Variants in SAMD4A observed in about 807,000 individuals in gnomAD.
SAMD4A encodes sterile alpha motif domain containing 4A.
A neutral mutation model predicts 81.3 loss-of-function variants in SAMD4A; 33 were observed. That is an observed-to-expected ratio of 0.41 (90% CI 0.31 to 0.54). The LOEUF is 0.54. Ranked by LOEUF, SAMD4A falls within the 20% of genes least tolerant of loss-of-function variation. The probability of loss-of-function intolerance (pLI) is 0.37; values close to 1 mark genes in which losing one functional copy is unlikely to be tolerated. For missense variants in SAMD4A, 854 were observed against 951.1 expected (o/e 0.90, Z 1.34); for synonymous variants, 389 against 382.1 (o/e 1.02, Z -0.21).
intron 7 of SAMD4A, among the ~76,000 whole-genome samples, chr14:54,761,457 C>T (rs964976735): frequency 7.4e-5 from 11 of 148,968 alleles, no homozygotes; most frequent in Admixed American, 3.3e-4. Flanking sequence ...CCTCTACAGC[C>T]CTTACCACCT....
chr14:54,668,008 C>T (rs1487065349), intron 2 of SAMD4A, among the ~76,000 whole-genome samples: 3 of 152,184 alleles, frequency 2.0e-5, no homozygotes, highest in Non-Finnish European at 4.4e-5. Flanking sequence ...CCGGCCCTCC[C>T]GCAGGCTGCC....
intron 2 of SAMD4A, among the ~76,000 whole-genome samples, chr14:54,592,184 T>A (rs2033795733): frequency 6.6e-6 from 1 of 152,172 alleles, no homozygotes; most frequent in Non-Finnish European, 1.5e-5. Context: ...ACCCTAGCAA[T>A]TGTAAGAACT....
In SAMD4A at chr14:54,657,519, GA is replaced by G. The variant is rs772572233; in HGVS notation, c.197-44541del. On this transcript the variant is annotated intron_variant, in intron 2 of 12. Coordinates refer to ENST00000554335, the MANE Select transcript of SAMD4A (RefSeq NM_015589.6). ...ACCAGATGCTAAGTTTCTGAGAAGA[GA>G]AGAGGTAGTAGGCTAGAAGCACTGA... Among the ~76,000 whole-genome samples, 14 of 152,336 alleles carry G rather than the reference GA, an allele frequency of 9.2e-5. No homozygotes were observed. The South Asian group carries it at 1.0e-3, about 11-fold the overall frequency.
At chr14:54,591,586 G>A (rs1019034986) in intron 2 of SAMD4A, among the ~76,000 whole-genome samples, 1 of 151,440 alleles carries the variant, frequency 6.6e-6, no homozygotes, top group Non-Finnish European at 1.5e-5. Context: ...TCCCATGTTG[G>A]CATCATTACT....
intron 2 of SAMD4A, among the ~76,000 whole-genome samples, chr14:54,614,470 CTGTT>C (rs961267232): frequency 2.6e-5 from 4 of 152,102 alleles, no homozygotes; most frequent in African/African-American, 9.7e-5. Context: ...TGGAAAAATT[CTGTT>C]TGTTTAATGA....
chr14:54,613,659 C>T (rs1454811515), intron 2 of SAMD4A, among the ~76,000 whole-genome samples: 4 of 152,186 alleles, frequency 2.6e-5, no homozygotes, highest in African/African-American at 9.7e-5. Flanking sequence ...TGCATTTGAT[C>T]TTTCTTCTAT....
rs146140425 is a variant in SAMD4A, at chr14:54,608,777, A to G, written c.196+40665A>G. Among the ~76,000 whole-genome samples, 182 of 152,342 alleles carry G rather than the reference A, an allele frequency of 1.2e-3. 1 individual carries two copies. Among genetic ancestry groups the G allele is most frequent in the African/African-American group, 4.1e-3 (170 of 41,584 alleles). On this transcript the variant is annotated intron_variant, in intron 2 of 12. Transcript: ENST00000554335. ...TTTCTTAGGTAAGAATATAAAAAGA[A>G]TCGTAGATATAGAGGTGGAAGGGAC...
chr14:54,791,007 C>T lies in SAMD4A; in HGVS notation c.*2063C>T, dbSNP rs2039250956. ...TAAAAAAAAAAGGTTCAGACCTCTC[C>T]TTGGGTGACTAAGTTCTAAAGATGC... On this transcript the variant is annotated 3_prime_UTR_variant, in exon 13 of 13. Transcript: ENST00000554335. 1 of 152,078 alleles carries T rather than the reference C, an allele frequency of 6.6e-6. No individual in the cohort carries two copies. Among genetic ancestry groups the T allele is most frequent in the African/African-American group, 2.4e-5 (1 of 41,406 alleles). 9.4% of individuals were successfully genotyped at this position (152,078 alleles called of 1,614,324 possible).
At chr14:54,632,766 T>G (rs2034933288) in intron 2 of SAMD4A, among the ~76,000 whole-genome samples, 1 of 152,226 alleles carries the variant, frequency 6.6e-6, no homozygotes, top group Non-Finnish European at 1.5e-5. Flanking sequence ...GCATCTTGGG[T>G]AAGTTACTTA....
In SAMD4A at chr14:54,770,100, G is replaced by C; in HGVS notation, c.1597-4G>C. Reference sequence around the variant, plus strand: ...CCATTTAAAAGTCCTGTTTGTTTTTGCAGGCATTTACAGAGACACAGAAAA... The same window carrying C: ...CCATTTAAAAGTCCTGTTTGTTTTTCCAGGCATTTACAGAGACACAGAAAA... On this transcript the variant is annotated splice_region_variant and splice_polypyrimidine_tract_variant and intron_variant, in intron 8 of 12. Coordinates refer to ENST00000554335, the MANE Select transcript of SAMD4A (RefSeq NM_015589.6). 6.3e-7 allele frequency: 1 copy of C among 1,596,924 alleles called. No homozygotes were observed. Among genetic ancestry groups the C allele is most frequent in the Non-Finnish European group, 8.6e-7 (1 of 1,165,434 alleles).
chr14:54,751,692 C>T (rs992292797), intron 6 of SAMD4A, among the ~76,000 whole-genome samples, 155 bp downstream of exon 6: 10 of 152,246 alleles, frequency 6.6e-5, no homozygotes, highest in Admixed American at 5.9e-4. Flanking sequence ...TGAAGTGAAA[C>T]TTCCTGGTTG....
chr14:54,586,285 TCTTGC>T (rs1226593070), intron 2 of SAMD4A, among the ~76,000 whole-genome samples: 2 of 152,340 alleles, frequency 1.3e-5, no homozygotes, highest in Non-Finnish European at 2.9e-5. Flanking sequence ...TTTGTTTTCT[TCTTGC>T]TGAGTTGTTT....
intron 2 of SAMD4A, among the ~76,000 whole-genome samples, chr14:54,634,753 CTGTCT>C (rs1157569220): frequency 2.6e-5 from 4 of 151,464 alleles, no homozygotes; most frequent in Non-Finnish European, 4.4e-5. Context: ...GTCTGTCTGT[CTGTCT>C]GTCTATCTAT....
Position 54,756,770 on chromosome 14 carries a change from A to G in SAMD4A, c.1177-3391A>G, listed in dbSNP as rs553885362. ...TCCAGATGGTTTGCAGCTTGTTGTC[A>G]TATGCCCAGGAAAGGCACTGAACCA... On this transcript the variant is annotated intron_variant, in intron 6 of 12. Transcript: ENST00000554335. Among the ~76,000 whole-genome samples the G allele has an allele frequency of 6.2e-4, 94 of 152,326 alleles. 1 individual carries two copies. Among genetic ancestry groups the G allele is most frequent in the African/African-American group, 2.1e-3 (88 of 41,570 alleles).
intron 2 of SAMD4A, among the ~76,000 whole-genome samples, chr14:54,653,663 C>A (rs1045739115): frequency 3.9e-5 from 6 of 151,998 alleles, no homozygotes; most frequent in Non-Finnish European, 8.8e-5. Context: ...TTTCACTGTC[C>A]TTCTTGACAC....
chr14:54,697,661 T>G (rs1030719786), intron 2 of SAMD4A, among the ~76,000 whole-genome samples: 1 of 152,158 alleles, frequency 6.6e-6, no homozygotes, highest in Non-Finnish European at 1.5e-5. Context: ...AAAACTTCCT[T>G]TTACCTAGAG....
In SAMD4A at chr14:54,568,733, ATATATAT is replaced by A. The variant is rs1566524854; in HGVS notation, c.196+622_196+628del. Among the ~76,000 whole-genome samples, 30 of 117,738 alleles carry A rather than the reference ATATATAT, an allele frequency of 2.5e-4. 1 individual carries two copies. The highest frequency in any genetic ancestry group is 5.5e-4 in the South Asian group (2 of 3,632). 77.2% of individuals were successfully genotyped at this position (117,738 alleles called of 152,430 possible). On this transcript the variant is annotated intron_variant, in intron 2 of 12. Transcript: ENST00000554335. ...TATATATATATATATATATATATAT[ATATATAT>A]AATGCGGTTAAGCTTACTGCTCGTG...
chr14:54,715,087 T>C (rs77546149), intron 3 of SAMD4A, among the ~76,000 whole-genome samples: 1 of 152,250 alleles, frequency 6.6e-6, no homozygotes, highest in Non-Finnish European at 1.5e-5. Context: ...TTCACACTTT[T>C]AAAAATTATC....
chr14:54,634,853 A>G (rs1190528903), intron 2 of SAMD4A, among the ~76,000 whole-genome samples: 2 of 152,186 alleles, frequency 1.3e-5, no homozygotes, highest in African/African-American at 2.4e-5. Context: ...CTAAAAATAT[A>G]CTAACATAGT....
Sources: gnomAD v4.1 joint callset for allele counts (sites outside exome capture counted in the v4.1 genomes callset) on GRCh38, gnomAD v4.1.1 for gene constraint, MANE v1.5 for transcripts, NCBI Gene and HGNC (gene_info 2026-07-23, HGNC 2026-07-21) for gene names.